Variants in RAP1GAP2 observed in about 807,000 individuals in gnomAD.
RAP1GAP2 encodes RAP1 GTPase activating protein 2, also known as rap1 GTPase-activating protein 2.
Under a neutral mutation model 95.0 loss-of-function variants are expected in RAP1GAP2, and 27 were observed. The observed-to-expected ratio is 0.28, with a 90% CI of 0.21 to 0.39. The LOEUF is 0.39. Among genes scored for constraint, RAP1GAP2 ranks in the 10% least tolerant of loss-of-function variants. The pLI, the probability that RAP1GAP2 is intolerant of heterozygous loss-of-function variation, is 1.00. For synonymous variants in RAP1GAP2, 373 were observed against 380.9 expected (o/e 0.98, Z 0.24); for missense variants, 771 against 970.0 (o/e 0.79, Z 2.72).
chr17:2,911,259 G>GGTTTTTTTTTTTTTT (rs1448395526), intron 3 of RAP1GAP2, among the ~76,000 whole-genome samples: 2 of 110,662 alleles, frequency 1.8e-5, no homozygotes, highest in Admixed American at 1.0e-4. Flanking sequence ...TTTTGAAGGG[G>GGTTTTTTTTTTTTTT]ATTTTTTTTT....
At position 3,034,411 on chromosome 17, in the gene RAP1GAP2, G is replaced by A. The variant is rs191817033; in HGVS notation, c.*1050G>A. ...TACTCGAGGAGAGAGGTGAGGGGGG[G>A]ATGACTTGCGGGTTCTGATCAGGCC... On this transcript the variant is annotated 3_prime_UTR_variant, in exon 25 of 25. Transcript: ENST00000254695. The surrounding 1 kb of genome is among the most constrained non-coding windows in gnomAD (Gnocchi z 5.1). The A allele has an allele frequency of 4.4e-3, 1,027 of 232,260 alleles. 6 individuals carry two copies. Among genetic ancestry groups the A allele is most frequent in the Non-Finnish European group, 6.7e-3 (748 of 112,462 alleles). The allele number at this position is 232,260 out of a possible 1,614,324, so 14.4% of individuals were successfully genotyped here.
intron 1 of RAP1GAP2, among the ~76,000 whole-genome samples, chr17:2,760,225 G>A (rs2071216338): frequency 7.0e-6 from 1 of 143,002 alleles, no homozygotes; most frequent in Admixed American, 7.2e-5. Context: ...CCTGGGAGGC[G>A]GAGCTTGCAG....
chr17:2,936,494 T>A (rs1464414807), intron 3 of RAP1GAP2, among the ~76,000 whole-genome samples: 1 of 151,650 alleles, frequency 6.6e-6, no homozygotes, highest in African/African-American at 2.4e-5. Context: ...TTCCTCTCCT[T>A]CCTCCCTGCC....
intron 12 of RAP1GAP2, among the ~76,000 whole-genome samples, chr17:2,992,987 G>T (rs1376280859): frequency 6.7e-6 from 1 of 149,836 alleles, no homozygotes; most frequent in African/African-American, 2.5e-5. Context: ...GAGGTGGGTG[G>T]ATCACGAGGT....
rs1177656956 is a variant in RAP1GAP2 at position 2,906,241 on chromosome 17, ATCATCAGGCATCTCT to A, written c.165+876_165+890del. On this transcript the variant is annotated intron_variant, in intron 3 of 24. Coordinates refer to ENST00000254695, the MANE Select transcript of RAP1GAP2 (RefSeq NM_015085.5). The surrounding 1 kb of genome is among the most constrained non-coding windows in gnomAD (Gnocchi z 4.3). ...TGTGCTCTGAGTGGCTCACAGGGAG[ATCATCAGGCATCTCT>A]TCCTCACTGCTCTGCATCACCCCTC... 6.6e-6 allele frequency among the ~76,000 whole-genome samples: 1 copy of A among 152,016 alleles called. No homozygotes were observed. The highest frequency in any genetic ancestry group is 1.5e-5 in the Non-Finnish European group (1 of 68,006).
chr17:2,991,284 G>C lies in RAP1GAP2; in HGVS notation c.814-13G>C, dbSNP rs777621905. On this transcript the variant is annotated splice_polypyrimidine_tract_variant and intron_variant, in intron 11 of 24. Coordinates refer to ENST00000254695, the MANE Select transcript of RAP1GAP2 (RefSeq NM_015085.5). ...TTTTCTAATTCCTGCCCTTATTCCT[G>C]TTTCTCTTTCAGACCCTGGAGGAGG... 6.4e-7 allele frequency: 1 copy of C among 1,573,850 alleles called. No homozygotes were observed. Among genetic ancestry groups the C allele is most frequent in the East Asian group, 2.3e-5 (1 of 44,172 alleles).
chr17:2,787,984 T>C (rs2068830545), intron 1 of RAP1GAP2, among the ~76,000 whole-genome samples: 1 of 152,256 alleles, frequency 6.6e-6, no homozygotes, highest in African/African-American at 2.4e-5. Flanking sequence ...TATTCTGCAA[T>C]GTAGTTAATC....
intron 3 of RAP1GAP2, among the ~76,000 whole-genome samples, chr17:2,935,768 C>T (rs1017400403): frequency 1.3e-5 from 2 of 152,142 alleles, no homozygotes; most frequent in Non-Finnish European, 2.9e-5. Context: ...GCAAGTGAGG[C>T]GCGAGGCCTC....
intron 19 of RAP1GAP2, 80 bp downstream of exon 19, chr17:3,020,675 C>A: frequency 7.7e-7 from 1 of 1,299,264 alleles, no homozygotes; most frequent in African/African-American, 1.5e-5. Context: ...GTTCAGTGCC[C>A]TACCTTGCAG....
rs118038322 is a variant in RAP1GAP2, at chr17:2,888,250, A to G, written c.81-17034A>G. ...GGTAATTAGCATATCTGTCACCTCA[A>G]ACGTTGATCATTTCTTTGTATTGGG... On this transcript the variant is annotated intron_variant, in intron 2 of 24. Coordinates refer to ENST00000254695, the MANE Select transcript of RAP1GAP2 (RefSeq NM_015085.5). Among the ~76,000 whole-genome samples, 1,407 of 152,294 alleles carry G rather than the reference A, an allele frequency of 9.2e-3. 10 individuals carry two copies. The highest frequency in any genetic ancestry group is 0.017 in the South Asian group (83 of 4,820).
At chr17:2,846,109 G>A (rs752669630) in intron 2 of RAP1GAP2, among the ~76,000 whole-genome samples, 5 of 151,760 alleles carry the variant, frequency 3.3e-5, no homozygotes, top group Non-Finnish European at 5.9e-5. Context: ...CTTGAACCCG[G>A]GAGGTGGAGG....
chr17:2,942,764 AT>A (rs1430163626), intron 3 of RAP1GAP2, among the ~76,000 whole-genome samples: 2 of 151,964 alleles, frequency 1.3e-5, no homozygotes. Flanking sequence ...TCTAATTCCA[AT>A]TTTTATTTTA....
intron 19 of RAP1GAP2, 34 bp from the exon 20 acceptor site, chr17:3,025,974 T>C: frequency 6.6e-7 from 1 of 1,507,098 alleles, no homozygotes; most frequent in Non-Finnish European, 9.2e-7. Context: ...GAGGGCTGTC[T>C]CCGCGGCCTC....
At chr17:2,990,868 G>A (rs2045728025) in intron 11 of RAP1GAP2, among the ~76,000 whole-genome samples, 3 of 144,704 alleles carry the variant, frequency 2.1e-5, no homozygotes, top group Admixed American at 1.4e-4. Context: ...TTTTTGAGAC[G>A]GGGTCTCACT....
intron 2 of RAP1GAP2, among the ~76,000 whole-genome samples, chr17:2,836,064 G>A (rs1175789150): frequency 6.6e-6 from 1 of 152,114 alleles, no homozygotes; most frequent in Non-Finnish European, 1.5e-5. Context: ...TGGGTGTTAG[G>A]AGGTAGGTCC....
At chr17:3,009,321 C>A (rs909899119) in intron 17 of RAP1GAP2, among the ~76,000 whole-genome samples, 1 of 152,224 alleles carries the variant, frequency 6.6e-6, no homozygotes, top group African/African-American at 2.4e-5. Flanking sequence ...CACACATTAT[C>A]CCACCTGGAG....
rs549331831 is a variant in RAP1GAP2, at chr17:2,904,527, G to A, written c.81-757G>A. Among the ~76,000 whole-genome samples the A allele has an allele frequency of 4.0e-5, 2 of 50,332 alleles. No homozygotes were observed. The highest frequency in any genetic ancestry group is 7.0e-4 in the East Asian group (2 of 2,858). The allele number at this position is 50,332 out of a possible 152,430, so 33.0% of individuals were successfully genotyped here. On this transcript the variant is annotated intron_variant, in intron 2 of 24. Coordinates refer to ENST00000254695, the MANE Select transcript of RAP1GAP2 (RefSeq NM_015085.5). The surrounding 1 kb of genome is among the most constrained non-coding windows in gnomAD (Gnocchi z 4.7). ...CTCCCGAGGACAGCTTTTTGACCAG[G>A]GCCTGTGTGTGTGTGTGTGTGTGTG...
intron 3 of RAP1GAP2, among the ~76,000 whole-genome samples, chr17:2,939,025 T>G (rs181710417): frequency 6.6e-6 from 1 of 152,216 alleles, no homozygotes; most frequent in East Asian, 1.9e-4. Flanking sequence ...TTCAGGCTGT[T>G]CCTCAAAGAA....
At chr17:2,765,927 C>A (rs989181766) in intron 1 of RAP1GAP2, among the ~76,000 whole-genome samples, 1 of 152,032 alleles carries the variant, frequency 6.6e-6, no homozygotes, top group East Asian at 1.9e-4. Context: ...CAAGATTGCA[C>A]CACTGCACTC....
Sources: gnomAD v4.1 joint callset for allele counts (sites outside exome capture counted in the v4.1 genomes callset) on GRCh38, gnomAD v4.1.1 for gene constraint, Gnocchi (gnomAD v3.1) non-coding constraint, MANE v1.5 for transcripts, NCBI Gene and HGNC (gene_info 2026-07-23, HGNC 2026-07-21) for gene names.